The following STARD13 variants were observed in gnomAD, a reference collection of about 807,000 sequenced individuals.
STARD13 encodes the protein stAR-related lipid transfer protein 13.
Under a neutral mutation model 106.4 loss-of-function variants are expected in STARD13, and 62 were observed. That is an observed-to-expected ratio of 0.58 (90% CI 0.48 to 0.72). The LOEUF is 0.72. Among genes scored for constraint, STARD13 ranks in the 30% least tolerant of loss-of-function variants. The probability of loss-of-function intolerance (pLI) is 0.00; values close to 1 mark genes in which losing one functional copy is unlikely to be tolerated. For synonymous variants in STARD13, 565 were observed against 553.0 expected, an observed-to-expected ratio of 1.02 and a Z score of -0.31; for missense variants, 1,387 against 1,424.0, an observed-to-expected ratio of 0.97 and a Z score of 0.42.
At chr13:33,282,731 TA>T (rs1360320205) in intron 1 of STARD13, among the ~76,000 whole-genome samples, 1 of 152,202 alleles carries the variant, frequency 6.6e-6, no homozygotes, top group Non-Finnish European at 1.5e-5. Flanking sequence ...ATGGAATGAT[TA>T]AAAGCTGTTA....
At chr13:33,418,873 C>A in the STARD13 span, among the ~76,000 whole-genome samples, 2 of 152,160 alleles carry the variant, frequency 1.3e-5, no homozygotes, top group Non-Finnish European at 1.5e-5. Context: ...GCTGAGGGAC[C>A]TGACTGTTAG....
intron 1 of STARD13, among the ~76,000 whole-genome samples, chr13:33,261,044 A>G (rs1003691805): frequency 2.0e-5 from 3 of 152,208 alleles, no homozygotes; most frequent in Admixed American, 2.0e-4. Context: ...ACAATCTTCA[A>G]AGAAGACTCT....
intron 1 of STARD13, among the ~76,000 whole-genome samples, chr13:33,319,280 G>C (rs1305424847): frequency 6.6e-6 from 1 of 152,156 alleles, no homozygotes; most frequent in Non-Finnish European, 1.5e-5. Flanking sequence ...CTAAGTGAAA[G>C]ATGCCAGACA....
At chr13:33,602,355 T>C in the STARD13 span, among the ~76,000 whole-genome samples, 1 of 152,194 alleles carries the variant, frequency 6.6e-6, no homozygotes, top group South Asian at 2.1e-4. Flanking sequence ...CCTCCCAAAG[T>C]GCTGGGATTG....
the STARD13 span, among the ~76,000 whole-genome samples, chr13:33,599,719 GGAGA>G: frequency 2.0e-5 from 3 of 151,890 alleles, no homozygotes; most frequent in East Asian, 1.9e-4. Context: ...AGAGTGAGAG[GGAGA>G]GAGAGACAGA....
Position 33,285,667 on chromosome 13 carries a change from T to C in STARD13, c.-29A>G. On this transcript the variant is annotated 5_prime_UTR_variant, in exon 1 of 14. Coordinates refer to ENST00000336934, the MANE Select transcript of STARD13 (RefSeq NM_178006.4). ...GGCAGATTTCCTATTGCCACCTCAG[T>C]CTGCCTGTGGCTGTTGCCGTCTGTC... is the stretch of plus-strand genomic sequence containing the variant. 1 of 1,609,518 alleles carries C rather than the reference T, an allele frequency of 6.2e-7. No individual in the cohort carries two copies. The highest frequency in any genetic ancestry group is 8.5e-7 in the Non-Finnish European group (1 of 1,178,606).
At chr13:33,425,876 C>A in the STARD13 span, among the ~76,000 whole-genome samples, 1 of 152,160 alleles carries the variant, frequency 6.6e-6, no homozygotes. Flanking sequence ...GTATTGGGAC[C>A]ACCAGTTTAA....
chr13:33,464,868 A>G, the STARD13 span, among the ~76,000 whole-genome samples: 2 of 152,088 alleles, frequency 1.3e-5, no homozygotes, highest in Non-Finnish European at 2.9e-5. Context: ...CCTGCTATGT[A>G]CTAGATACCA....
At chr13:33,308,520 C>CTTTTTTTTTTTTTTTTTTT (rs552526416) in intron 1 of STARD13, among the ~76,000 whole-genome samples, 24 of 88,550 alleles carry the variant, frequency 2.7e-4, no homozygotes, top group Non-Finnish European at 4.2e-4. Context: ...CTTTTTCTTT[C>CTTTTTTTTTTTTTTTTTTT]TTTTTTTTTT....
chr13:33,273,799 GAT>G (rs1478530578), intron 1 of STARD13: 1 of 152,084 alleles, frequency 6.6e-6, no homozygotes, highest in Non-Finnish European at 1.5e-5. Context: ...TCTCCACAAA[GAT>G]ATGTAAAACT....
At chr13:33,344,238 A>G (rs1038505569), downstream of STARD13, among the ~76,000 whole-genome samples, 1 of 152,094 alleles carries the variant, frequency 6.6e-6, no homozygotes, top group Admixed American at 6.5e-5. Context: ...AAAGTTGACA[A>G]CCCTGATATA....
At chr13:33,144,989 AT>A (rs1217751261) in intron 3 of STARD13, among the ~76,000 whole-genome samples, 1 of 152,192 alleles carries the variant, frequency 6.6e-6, no homozygotes, top group Non-Finnish European at 1.5e-5. Context: ...CAGGAAGTTT[AT>A]TTATTATTTT....
At chr13:33,644,599 T>C in the STARD13 span, among the ~76,000 whole-genome samples, 1 of 152,148 alleles carries the variant, frequency 6.6e-6, no homozygotes, top group Non-Finnish European at 1.5e-5. Context: ...AGAGGCGTCA[T>C]GCGGCCATGA....
At chr13:33,298,367 C>T (rs1444031860) in intron 1 of STARD13, among the ~76,000 whole-genome samples, 5 of 150,638 alleles carry the variant, frequency 3.3e-5, no homozygotes, top group African/African-American at 1.2e-4. Context: ...GAACTCCTGA[C>T]CTCAAATGAT....
At chr13:33,506,315 G>A in the STARD13 span, among the ~76,000 whole-genome samples, 4 of 152,116 alleles carry the variant, frequency 2.6e-5, no homozygotes, top group Non-Finnish European at 5.9e-5. Flanking sequence ...ATTTTTCCTT[G>A]AATGAACAAC....
At chr13:33,513,873 C>T in the STARD13 span, among the ~76,000 whole-genome samples, 1 of 152,088 alleles carries the variant, frequency 6.6e-6, no homozygotes, top group Non-Finnish European at 1.5e-5. Context: ...CACTAATCCA[C>T]CAACAACTTT....
chr13:33,543,018 G>A, the STARD13 span, among the ~76,000 whole-genome samples: 2 of 152,244 alleles, frequency 1.3e-5, no homozygotes, highest in Admixed American at 1.3e-4. Context: ...CTGCCTGTAG[G>A]AGGAGCTTTA....
chr13:33,539,261 T>C, the STARD13 span, among the ~76,000 whole-genome samples: 1 of 152,144 alleles, frequency 6.6e-6, no homozygotes, highest in South Asian at 2.1e-4. Flanking sequence ...AAATTAAAGA[T>C]CAAAATAAAA....
upstream of STARD13, among the ~76,000 whole-genome samples, chr13:33,352,382 T>A (rs1485119950): frequency 6.6e-6 from 1 of 152,212 alleles, no homozygotes; most frequent in East Asian, 1.9e-4. Context: ...TCTTGTTGAA[T>A]CAAACAGACG....
Sources: gnomAD v4.1 joint callset for allele counts (sites outside exome capture counted in the v4.1 genomes callset) on GRCh38, gnomAD v4.1.1 for gene constraint, MANE v1.5 for transcripts, NCBI Gene and HGNC (gene_info 2026-07-23, HGNC 2026-07-21) for gene names.